The following CARNMT1 variants were observed in gnomAD, a reference collection of about 807,000 sequenced individuals.
CARNMT1 encodes carnosine N-methyltransferase 1.
CARNMT1 carries 28 observed loss-of-function variants against 49.6 expected under a neutral mutation model. The ratio of observed to expected loss-of-function variants is 0.56; its 90% CI spans 0.42 to 0.77. The LOEUF (loss-of-function observed/expected upper bound fraction) is 0.77. Ranked by LOEUF, CARNMT1 falls within the 30% of genes least tolerant of loss-of-function variation. The pLI is 0.00. For synonymous variants in CARNMT1, 178 were observed against 175.0 expected, an observed-to-expected ratio of 1.02 and a Z score of -0.13; for missense variants, 421 against 512.6, an observed-to-expected ratio of 0.82 and a Z score of 1.73.
chr9:75,018,238 A>AT (rs1277588745), intron 1 of CARNMT1, among the ~76,000 whole-genome samples: 1 of 151,688 alleles, frequency 6.6e-6, no homozygotes, highest in Non-Finnish European at 1.5e-5. Context: ...ATATTTTTGT[A>AT]TTTTTTTGTA....
intron 2 of CARNMT1, chr9:75,016,945 T>G (rs1833873696): frequency 2.5e-6 from 1 of 396,708 alleles, no homozygotes; most frequent in South Asian, 8.7e-5. Flanking sequence ...GCAAGGGAAA[T>G]TAATTTCTAG....
At chr9:75,025,417 T>C (rs891459877) in intron 1 of CARNMT1, among the ~76,000 whole-genome samples, 1 of 152,276 alleles carries the variant, frequency 6.6e-6, no homozygotes, top group Non-Finnish European at 1.5e-5. Context: ...GATAATTTTA[T>C]GCAACTAAGA....
chr9:75,026,973 A>C, intron 1 of CARNMT1: 2 of 749,802 alleles, frequency 2.7e-6, no homozygotes, highest in Non-Finnish European at 4.0e-6. Context: ...TTATAAAAAC[A>C]ACTATAATAC....
chr9:75,002,123 C>T (rs994562233), intron 3 of CARNMT1, among the ~76,000 whole-genome samples: 4 of 152,082 alleles, frequency 2.6e-5, no homozygotes, highest in South Asian at 2.1e-4. Flanking sequence ...CAAACAGGAA[C>T]GGAGAAGGGA....
rs1388301907 is a variant in CARNMT1, at chr9:75,028,080, G to C, written c.162C>G (p.Thr54=). 1.9e-6 allele frequency: 3 copies of C among 1,568,548 alleles called. No individual in the cohort carries two copies. The East Asian group carries it at 7.5e-5, about 39-fold the overall frequency. ...SAAAAAATRS[T]EEEEERLERE... is the part of the protein sequence containing the mutation. ...GCTCAAGCCTCTCCTCCTCCTCCTC[G>C]GTGCTGCGCGTGGCCGCCGCCGCTG... is the stretch of plus-strand genomic sequence containing the variant. The change falls in exon 1 of 8, where the codon ACC becomes ACG. Residue 54 remains threonine, a synonymous_variant. Transcript: ENST00000376834.
intron 3 of CARNMT1, among the ~76,000 whole-genome samples, chr9:75,006,215 C>A (rs963958763): frequency 2.0e-5 from 3 of 152,042 alleles, no homozygotes; most frequent in African/African-American, 7.2e-5. Flanking sequence ...CCACACCCAG[C>A]AAATTTTTGT....
intron 1 of CARNMT1, among the ~76,000 whole-genome samples, chr9:75,022,297 C>T (rs1042588010): frequency 1.4e-5 from 2 of 140,832 alleles, no homozygotes; most frequent in East Asian, 4.3e-4. Flanking sequence ...GATCTCAGCT[C>T]ACTGCCAGCT....
intron 3 of CARNMT1, among the ~76,000 whole-genome samples, chr9:75,004,446 CTG>C (rs1331995371): frequency 6.6e-6 from 1 of 152,132 alleles, no homozygotes; most frequent in African/African-American, 2.4e-5. Context: ...GGTTTTTCTA[CTG>C]TGTTATTCTT....
At chr9:75,021,275 T>C (rs555582846) in intron 1 of CARNMT1, among the ~76,000 whole-genome samples, 4 of 134,446 alleles carry the variant, frequency 3.0e-5, no homozygotes, top group Admixed American at 7.5e-5. Context: ...TATGTATATA[T>C]ACATAGTATA....
intron 3 of CARNMT1, among the ~76,000 whole-genome samples, chr9:75,012,063 T>C (rs780719359): frequency 1.3e-5 from 2 of 152,204 alleles, no homozygotes; most frequent in Middle Eastern, 3.4e-3. Flanking sequence ...CAATCCCACT[T>C]CTAAGAATTT....
intron 6 of CARNMT1, chr9:74,991,138 A>C (rs1275249055): frequency 2.0e-5 from 3 of 151,996 alleles, no homozygotes; most frequent in Non-Finnish European, 4.4e-5. Flanking sequence ...AACCTTGGTA[A>C]GTTTTTTTTT....
chr9:75,017,212 T>C (rs1277905001), intron 2 of CARNMT1, 41 bp downstream of exon 2: 9 of 1,493,240 alleles, frequency 6.0e-6, no homozygotes, highest in African/African-American at 1.4e-5. Flanking sequence ...ATACAGAGGT[T>C]GACCCTAAAA....
At chr9:74,988,507 G>A (rs982042342) in intron 6 of CARNMT1, among the ~76,000 whole-genome samples, 1 of 152,024 alleles carries the variant, frequency 6.6e-6, no homozygotes, top group Non-Finnish European at 1.5e-5. Context: ...TCTTATGACT[G>A]TCCACTCCAT....
chr9:75,002,465 T>C (rs559398005), intron 3 of CARNMT1, among the ~76,000 whole-genome samples: 18 of 152,308 alleles, frequency 1.2e-4, no homozygotes, highest in Admixed American at 4.6e-4. Flanking sequence ...AATGTGGCTA[T>C]TGCAAATTGA....
intron 6 of CARNMT1, among the ~76,000 whole-genome samples, chr9:74,995,553 T>C (rs780606418): frequency 2.6e-5 from 4 of 152,152 alleles, no homozygotes; most frequent in Admixed American, 1.3e-4. Flanking sequence ...TTAAGAGAAG[T>C]TTGCAAAAGA....
In CARNMT1 at chr9:74,999,818, C is replaced by T; in HGVS notation, c.643G>A (p.Ala215Thr). The T allele has an allele frequency of 6.2e-7, 1 of 1,612,624 alleles. No individual in the cohort carries two copies. The highest frequency in any genetic ancestry group is 8.5e-7 in the Non-Finnish European group (1 of 1,179,206). The change falls in exon 4 of 8, where the codon GCC (alanine) becomes ACC (threonine). Residue 215 changes from alanine to threonine, a missense_variant. Physicochemically the swap from Ala to Thr is moderately conservative, Grantham distance 58 (BLOSUM62 0). Coordinates refer to ENST00000376834, the MANE Select transcript of CARNMT1 (RefSeq NM_152420.3). ...TAACCTAGCATAGCTATTTCCCAGG[C>T]CAGTCTTCCTAGTCCAGCACCAGGT... ...LVPGAGLGRL[A>T]WEIAMLGYAC...
intron 6 of CARNMT1, among the ~76,000 whole-genome samples, chr9:74,989,584 C>G (rs115643790): frequency 0.021 from 3,264 of 152,096 alleles, 54 homozygotes; most frequent in African/African-American, 0.045. Context: ...AATTATAATC[C>G]CACATGGAGG....
At chr9:75,003,360 C>T (rs1587274070) in intron 3 of CARNMT1, among the ~76,000 whole-genome samples, 1 of 152,352 alleles carries the variant, frequency 6.6e-6, no homozygotes, top group Middle Eastern at 3.4e-3. Flanking sequence ...TCACTTAACA[C>T]AGGTACAGCA....
intron 1 of CARNMT1, among the ~76,000 whole-genome samples, chr9:75,024,832 C>T (rs563217225): frequency 6.6e-6 from 1 of 152,276 alleles, no homozygotes; most frequent in Admixed American, 6.5e-5. Flanking sequence ...GTCGAAAACC[C>T]ACACCTAACT....
Sources: gnomAD v4.1 joint callset for allele counts (sites outside exome capture counted in the v4.1 genomes callset) on GRCh38, gnomAD v4.1.1 for gene constraint, MANE v1.5 for transcripts, NCBI Gene and HGNC (gene_info 2026-07-23, HGNC 2026-07-21) for gene names.